GREM2: variants seen among roughly 807,000 people sequenced by gnomAD.
GREM2 encodes gremlin-2.
In GREM2, 11 loss-of-function variants were observed where a neutral mutation model predicts 14.2. The observed-to-expected ratio is 0.78, with a 90% confidence interval of 0.49 to 1.28. GREM2 has a LOEUF of 1.28. GREM2 is among the 50% of genes most tolerant of loss of function. The probability of loss-of-function intolerance (pLI) is 0.00; values close to 1 mark genes in which losing one functional copy is unlikely to be tolerated. For missense variants in GREM2, 210 were observed against 218.5 expected (o/e 0.96, Z 0.24); for synonymous variants, 98 against 97.6 (o/e 1.00, Z -0.02).
chr1:240,547,157 G>A (rs1266063105), intron 1 of GREM2, among the ~76,000 whole-genome samples: 1 of 152,032 alleles, frequency 6.6e-6, no homozygotes, highest in African/African-American at 2.4e-5. Context: ...AATGCACATA[G>A]CCCAGTTACA....
chr1:240,589,348 C>A (rs1260407241), intron 1 of GREM2, among the ~76,000 whole-genome samples: 1 of 151,796 alleles, frequency 6.6e-6, no homozygotes, highest in East Asian at 1.9e-4. Flanking sequence ...GGGAGAAGAA[C>A]CGCTTGAACC....
chr1:240,530,418 G>A (rs556934732), intron 1 of GREM2: 4 of 152,100 alleles, frequency 2.6e-5, no homozygotes, highest in Admixed American at 6.6e-5. Flanking sequence ...TTTCTGGTTC[G>A]CACACAAAAA....
chr1:240,552,128 A>G (rs1438359857), intron 1 of GREM2, among the ~76,000 whole-genome samples: 4 of 152,212 alleles, frequency 2.6e-5, no homozygotes, highest in African/African-American at 7.2e-5. Context: ...ATCCTTGGGT[A>G]TAAGTGATGG....
chr1:240,596,382 G>T (rs1453208431), intron 1 of GREM2, among the ~76,000 whole-genome samples: 1 of 152,116 alleles, frequency 6.6e-6, no homozygotes, highest in African/African-American at 2.4e-5. Flanking sequence ...TCATTCATTG[G>T]TGTATGCAAT....
chr1:240,596,352 T>C (rs1334744589), intron 1 of GREM2, among the ~76,000 whole-genome samples: 2 of 152,212 alleles, frequency 1.3e-5, no homozygotes. Flanking sequence ...TTTTCTGTCC[T>C]AATGACTATG....
intron 1 of GREM2, among the ~76,000 whole-genome samples, chr1:240,584,931 C>T (rs1305086639): frequency 2.6e-5 from 4 of 152,086 alleles, no homozygotes; most frequent in African/African-American, 2.4e-5. Context: ...TGAGGGATGA[C>T]GGTGCTGCCA....
At chr1:240,505,242 T>A (rs9287249) in intron 1 of GREM2, among the ~76,000 whole-genome samples, 59,887 of 151,990 alleles carry the variant, frequency 0.39, 12,361 homozygotes, top group African/African-American at 0.51. Flanking sequence ...TCATGCGTCC[T>A]GTGCAGCCTG....
At chr1:240,590,097 A>C (rs1156599224) in intron 1 of GREM2, among the ~76,000 whole-genome samples, 1 of 152,206 alleles carries the variant, frequency 6.6e-6, no homozygotes, top group Non-Finnish European at 1.5e-5. Context: ...TGCTTTGAAC[A>C]GTTATCTGTG....
chr1:240,508,058 T>C (rs951617049), intron 1 of GREM2, among the ~76,000 whole-genome samples: 4 of 152,140 alleles, frequency 2.6e-5, no homozygotes, highest in Admixed American at 2.6e-4. Context: ...GGCTTGAAAT[T>C]CCCTCTATTT....
At position 240,543,839 on chromosome 1, in the gene GREM2, T is replaced by C. The variant is rs1188945575; in HGVS notation, c.-1-50363A>G. Among the ~76,000 whole-genome samples, 1 of 152,212 alleles carries C rather than the reference T, an allele frequency of 6.6e-6. No individual in the cohort carries two copies. Among genetic ancestry groups the C allele is most frequent in the Non-Finnish European group, 1.5e-5 (1 of 68,036 alleles). On this transcript the variant is annotated intron_variant, in intron 1 of 1. Transcript: ENST00000318160. The surrounding 1 kb of genome is among the most constrained non-coding windows in gnomAD (Gnocchi z 6.4). ...ACTTGATATCTTAAGAGAAATGCCC[T>C]ATATAATGTGAGACTATTATAATTT... is the stretch of plus-strand genomic sequence containing the variant.
chr1:240,515,895 C>T (rs546847529), intron 1 of GREM2, among the ~76,000 whole-genome samples: 1 of 152,248 alleles, frequency 6.6e-6, no homozygotes, highest in East Asian at 1.9e-4. Context: ...ATAAAAAGGA[C>T]CACCACTAAA....
At chr1:240,530,357 G>A (rs1356420694) in intron 1 of GREM2, 1 of 152,174 alleles carries the variant, frequency 6.6e-6, no homozygotes, top group Non-Finnish European at 1.5e-5. Flanking sequence ...TTTGGAACCT[G>A]CCAGACAAGC....
Position 240,492,827 on chromosome 1 carries a change from C to T in GREM2, c.*142G>A, listed in dbSNP as rs964112008. 4.9e-6 allele frequency: 4 copies of T among 824,656 alleles called. No individual in the cohort carries two copies. The highest frequency in any genetic ancestry group is 4.3e-5 in the Admixed American group (1 of 23,484). 51.1% of individuals were successfully genotyped at this position (824,656 alleles called of 1,614,324 possible). ...CGATCCACGTCTGTGACAAGGACACCGTCAGCCCTAAGAGAAGTGCTTGCT... is the reference window on the plus strand; with the variant it reads ...CGATCCACGTCTGTGACAAGGACACTGTCAGCCCTAAGAGAAGTGCTTGCT... On this transcript the variant is annotated 3_prime_UTR_variant, in exon 2 of 2. Transcript: ENST00000318160.
intron 1 of GREM2, among the ~76,000 whole-genome samples, chr1:240,571,753 C>A (rs1679266221): frequency 6.6e-6 from 1 of 152,090 alleles, no homozygotes; most frequent in African/African-American, 2.4e-5. Context: ...TCTTATCTGG[C>A]ATGTATGGTA....
At chr1:240,533,244 T>A (rs551034981) in intron 1 of GREM2, among the ~76,000 whole-genome samples, 1 of 152,162 alleles carries the variant, frequency 6.6e-6, no homozygotes, top group South Asian at 2.1e-4. Flanking sequence ...AATTGGCCCT[T>A]AAAGAACTAA....
chr1:240,505,691 C>T (rs987318470), intron 1 of GREM2, among the ~76,000 whole-genome samples: 1 of 151,272 alleles, frequency 6.6e-6, no homozygotes, highest in African/African-American at 2.4e-5. Flanking sequence ...TTTAATGTGA[C>T]CACATTATTA....
chr1:240,581,149 C>G (rs1679475213), intron 1 of GREM2, among the ~76,000 whole-genome samples: 1 of 151,464 alleles, frequency 6.6e-6, no homozygotes, highest in Non-Finnish European at 1.5e-5. Flanking sequence ...ACTTGGGAGG[C>G]TGAGGCAAGA....
In GREM2 at chr1:240,558,397, T is replaced by G. The variant is rs1338586309; in HGVS notation, c.-2+53487A>C. Among the ~76,000 whole-genome samples, 3 of 147,384 alleles carry G rather than the reference T, an allele frequency of 2.0e-5. No individual in the cohort carries two copies. The East Asian group carries it at 5.8e-4, about 29-fold the overall frequency. ...ACTATGCGAAAACAATTTTGATGAA[T>G]TTTTTTTAAATATTGAAAAGAAAAA... On this transcript the variant is annotated intron_variant, in intron 1 of 1. Transcript: ENST00000318160.
At chr1:240,570,110 G>C (rs1416307106) in intron 1 of GREM2, among the ~76,000 whole-genome samples, 1 of 152,124 alleles carries the variant, frequency 6.6e-6, no homozygotes, top group East Asian at 1.9e-4. Flanking sequence ...GATTTTCATA[G>C]ACATTGAAAT....
Sources: gnomAD v4.1 joint callset for allele counts (sites outside exome capture counted in the v4.1 genomes callset) on GRCh38, gnomAD v4.1.1 for gene constraint, Gnocchi (gnomAD v3.1) non-coding constraint, MANE v1.5 for transcripts, NCBI Gene and HGNC (gene_info 2026-07-23, HGNC 2026-07-21) for gene names.